The following ZNF317 variants were observed in gnomAD, a reference collection of about 807,000 sequenced individuals.
ZNF317 encodes the protein KRAB-containing zinc finger protein 317.
In ZNF317, 17 loss-of-function variants were observed where a neutral mutation model predicts 23.4. The observed-to-expected ratio is 0.73, with a 90% CI of 0.50 to 1.09. ZNF317 has a LOEUF of 1.09. Among genes scored for constraint, ZNF317 ranks in the 50% least tolerant of loss-of-function variants. The pLI is 0.00. For synonymous variants in ZNF317, 317 were observed against 314.9 expected, an observed-to-expected ratio of 1.01 and a Z score of -0.07; for missense variants, 679 against 796.7, an observed-to-expected ratio of 0.85 and a Z score of 1.78.
chr19:9,158,363 C>CTTTTTTTTTTTTTTTTTTTGTTTTTT (rs2050809312), intron 5 of ZNF317, among the ~76,000 whole-genome samples: 1 of 76,496 alleles, frequency 1.3e-5, no homozygotes, highest in African/African-American at 6.4e-5. Context: ...TTTCTTTTTT[C>CTTTTTTTTTTTTTTTTTTTGTTTTTT]TTTTTTTTTT....
rs138998745 is a variant in ZNF317 at position 9,147,973 on chromosome 19, G to A, written c.-93+7381G>A. Among the ~76,000 whole-genome samples, 283 of 152,192 alleles carry A rather than the reference G, an allele frequency of 1.9e-3. 2 individuals are homozygous for A. The highest frequency in any genetic ancestry group is 6.3e-3 in the African/African-American group (262 of 41,532). On this transcript the variant is annotated intron_variant, in intron 1 of 6. Transcript: ENST00000247956. ...CCCTTGGCACTGTCCTCGTGATGGCGGGTGAGTTCTCCTGAGATCCGGTCA... is the reference window on the plus strand; with the variant it reads ...CCCTTGGCACTGTCCTCGTGATGGCAGGTGAGTTCTCCTGAGATCCGGTCA...
chr19:9,156,794 G>A, intron 3 of ZNF317, 46 bp downstream of exon 3: 1 of 1,597,142 alleles, frequency 6.3e-7, no homozygotes, highest in Admixed American at 1.7e-5. Context: ...GGCACTTCCT[G>A]GAAGACCCCA....
At chr19:9,148,900 C>T (rs1176767940) in intron 1 of ZNF317, among the ~76,000 whole-genome samples, 2 of 152,158 alleles carry the variant, frequency 1.3e-5, no homozygotes, top group Non-Finnish European at 2.9e-5. Context: ...GCAAGTGCTT[C>T]AGGGTCAAAA....
intron 1 of ZNF317, among the ~76,000 whole-genome samples, chr19:9,141,557 TAG>T (rs2050629876): frequency 6.6e-6 from 1 of 152,250 alleles, no homozygotes. Context: ...CTTTGTAATT[TAG>T]AGATTTCTAA....
chr19:9,143,020 G>A (rs945020965), intron 1 of ZNF317, among the ~76,000 whole-genome samples: 3 of 151,998 alleles, frequency 2.0e-5, no homozygotes, highest in African/African-American at 7.3e-5. Flanking sequence ...AAACCATTTG[G>A]GTCTGGAGTT....
rs755550752 is a variant in ZNF317 at position 9,157,369 on chromosome 19, G to A, written c.264G>A (p.Glu88=). ...AACTGTACAAAGATGTAATGCTGGA[G>A]AACTACAGCAACCTCACTTCACTGG... is the stretch of plus-strand genomic sequence containing the variant. The part of the protein sequence containing the change: ...QRKLYKDVML[E]NYSNLTSLGY... Residue 88 remains glutamate (E), a synonymous_variant, in exon 4 of 7, where the codon GAG becomes GAA. Transcript: ENST00000247956. 9.9e-6 allele frequency: 16 copies of A among 1,613,980 alleles called. No homozygotes were observed. Among genetic ancestry groups the A allele is most frequent in the Non-Finnish European group, 1.4e-5 (16 of 1,180,010 alleles).
At chr19:9,142,452 T>A (rs1315934881) in intron 1 of ZNF317, among the ~76,000 whole-genome samples, 1 of 152,156 alleles carries the variant, frequency 6.6e-6, no homozygotes, top group Non-Finnish European at 1.5e-5. Flanking sequence ...GCCGAAGGCT[T>A]TTCTGTCGAA....
chr19:9,157,703 AT>A, intron 4 of ZNF317: 1 of 321,700 alleles, frequency 3.1e-6, no homozygotes, highest in Non-Finnish European at 4.3e-6. Context: ...TTTTTTTTTT[AT>A]TTTTGGTGAT....
intron 1 of ZNF317, among the ~76,000 whole-genome samples, chr19:9,151,498 G>A (rs540155035): frequency 2.6e-5 from 4 of 152,078 alleles, no homozygotes; most frequent in South Asian, 4.2e-4. Flanking sequence ...GCAGCGTCAC[G>A]GTTCTTACAT....
chr19:9,147,986 T>C (rs1044505213), intron 1 of ZNF317, among the ~76,000 whole-genome samples: 4 of 152,124 alleles, frequency 2.6e-5, no homozygotes, highest in Non-Finnish European at 4.4e-5. Flanking sequence ...TGAGTTCTCC[T>C]GAGATCCGGT....
At chr19:9,142,551 T>G (rs2145936733) in intron 1 of ZNF317, among the ~76,000 whole-genome samples, 1 of 151,980 alleles carries the variant, frequency 6.6e-6, no homozygotes, top group Non-Finnish European at 1.5e-5. Flanking sequence ...GTGATTTTTT[T>G]TTTTTTTTTG....
intron 1 of ZNF317, among the ~76,000 whole-genome samples, chr19:9,143,938 T>TTC (rs1229172535): frequency 6.6e-6 from 1 of 150,444 alleles, no homozygotes; most frequent in Non-Finnish European, 1.5e-5. Context: ...TTTTTTTTTT[T>TTC]ACTTGCCTTA....
In ZNF317 at chr19:9,161,450, G is replaced by C; in HGVS notation, c.*17G>C. 2 of 1,595,850 alleles carry C rather than the reference G, an allele frequency of 1.3e-6. No individual in the cohort carries two copies. The highest frequency in any genetic ancestry group is 1.7e-6 in the Non-Finnish European group (2 of 1,168,866). Reference sequence around the variant, plus strand: ...CTCCAGTGAGCGCGCCTGCTTTAGAGACACAGGATGATTCAGACCGGAAAC... The same window carrying C: ...CTCCAGTGAGCGCGCCTGCTTTAGACACACAGGATGATTCAGACCGGAAAC... On this transcript the variant is annotated 3_prime_UTR_variant, in exon 7 of 7. Transcript: ENST00000247956. The surrounding 1 kb of genome is among the most constrained non-coding windows in gnomAD (Gnocchi z 4.0).
rs762104846 is a variant in ZNF317 at position 9,160,609 on chromosome 19, A to G, written c.964A>G (p.Ile322Val). Residue 322 changes from isoleucine to valine, a missense_variant, in exon 7 of 7, where the codon ATC (isoleucine) becomes GTC (valine). Physicochemically the swap from Ile to Val is conservative, Grantham distance 29. Coordinates refer to ENST00000247956, the MANE Select transcript of ZNF317 (RefSeq NM_020933.5). This position sits in a 1 kb window ranked among gnomAD's most constrained non-coding sequence, Gnocchi z 6.8. ...GKAYGRSCHL[I>V]AHKRTHTGER... Reference sequence around the variant, plus strand: ...GGCTTACGGCCGGAGCTGCCACCTCATCGCACACAAGAGAACGCACACCGG... The same window carrying G: ...GGCTTACGGCCGGAGCTGCCACCTCGTCGCACACAAGAGAACGCACACCGG... 1.2e-6 allele frequency: 2 copies of G among 1,614,180 alleles called. No homozygotes were observed. The highest frequency in any genetic ancestry group is 1.7e-6 in the Non-Finnish European group (2 of 1,180,040).
intron 1 of ZNF317, among the ~76,000 whole-genome samples, chr19:9,152,498 T>C (rs1168951775): frequency 6.6e-6 from 1 of 152,188 alleles, no homozygotes; most frequent in African/African-American, 2.4e-5. Context: ...TGTCAGATCA[T>C]CAGCAGCATT....
intron 1 of ZNF317, among the ~76,000 whole-genome samples, chr19:9,141,754 C>A (rs988177233): frequency 2.0e-5 from 3 of 151,946 alleles, no homozygotes; most frequent in Non-Finnish European, 2.9e-5. Flanking sequence ...TGATTTACAT[C>A]ATTTATTTAC....
chr19:9,158,369 T>C (rs911515712), intron 5 of ZNF317, among the ~76,000 whole-genome samples: 23 of 73,988 alleles, frequency 3.1e-4, no homozygotes, highest in African/African-American at 1.1e-3. Flanking sequence ...TTTTCTTTTT[T>C]TTTTTTTTTT....
intron 1 of ZNF317, among the ~76,000 whole-genome samples, chr19:9,151,129 G>A (rs2050732597): frequency 6.6e-6 from 1 of 152,182 alleles, no homozygotes; most frequent in South Asian, 2.1e-4. Context: ...TGGTAGGTGA[G>A]GATGGAGATA....
intron 1 of ZNF317, among the ~76,000 whole-genome samples, chr19:9,154,522 G>A (rs1033090710): frequency 1.4e-4 from 21 of 152,086 alleles, no homozygotes; most frequent in African/African-American, 2.2e-4. Flanking sequence ...GGCCAGCATC[G>A]TAGGGATTTC....
Sources: gnomAD v4.1 joint callset for allele counts (sites outside exome capture counted in the v4.1 genomes callset) on GRCh38, gnomAD v4.1.1 for gene constraint, Gnocchi (gnomAD v3.1) non-coding constraint, MANE v1.5 for transcripts, NCBI Gene and HGNC (gene_info 2026-07-23, HGNC 2026-07-21) for gene names.